GRM7: variants seen among roughly 807,000 people sequenced by gnomAD.
The protein encoded by GRM7 is glutamate metabotropic receptor 7.
Under a neutral mutation model 84.5 loss-of-function variants are expected in GRM7, and 35 were observed. That is an observed-to-expected ratio of 0.41 (90% CI 0.32 to 0.55). The LOEUF is 0.55. Ranked by LOEUF, GRM7 falls within the 20% of genes least tolerant of loss-of-function variation. The pLI is 0.19. For missense variants in GRM7, 1,003 were observed against 1,194.6 expected (o/e 0.84, Z 2.36); for synonymous variants, 487 against 455.1 (o/e 1.07, Z -0.89).
At chr3:7,452,919 A>G (rs1251372927) in intron 6 of GRM7, 112 bp downstream of exon 6, 2 of 672,704 alleles carry the variant, frequency 3.0e-6, no homozygotes, top group Middle Eastern at 4.1e-4. Context: ...AACTTGCTTG[A>G]TTATAAAACT....
intron 2 of GRM7, among the ~76,000 whole-genome samples, chr3:7,250,671 C>T (rs1428060044): frequency 6.6e-6 from 1 of 151,886 alleles, no homozygotes; most frequent in Admixed American, 6.6e-5. Flanking sequence ...CTACAGGTGC[C>T]CACCACCACA....
At chr3:7,713,114 A>ATTTTTTTTTTTTTTTTTTTTTTTTTTTT (rs1165234212) in intron 9 of GRM7, among the ~76,000 whole-genome samples, 2 of 129,854 alleles carry the variant, frequency 1.5e-5, no homozygotes, top group African/African-American at 3.1e-5. Flanking sequence ...GAGGATTCGA[A>ATTTTTTTTTTTTTTTTTTTTTTTTTTTT]TTTTGTTTTG....
intron 5 of GRM7, among the ~76,000 whole-genome samples, chr3:7,415,478 A>G (rs921173861): frequency 2.0e-5 from 3 of 152,104 alleles, no homozygotes; most frequent in South Asian, 4.1e-4. Context: ...ACATAGACAA[A>G]ATTCTCTGAC....
chr3:7,126,014 G>A (rs11131063), intron 1 of GRM7, among the ~76,000 whole-genome samples: 35,825 of 152,034 alleles, frequency 0.24, 4,378 homozygotes, highest in Non-Finnish European at 0.26. Context: ...GTTCTCTGCC[G>A]TGTCAGGAAA....
At chr3:7,220,826 C>T (rs767152147) in intron 2 of GRM7, among the ~76,000 whole-genome samples, 15 of 152,260 alleles carry the variant, frequency 9.9e-5, no homozygotes, top group Admixed American at 3.3e-4. Flanking sequence ...CAGCTTGGTA[C>T]GGTGGCTCAC....
intron 2 of GRM7, among the ~76,000 whole-genome samples, chr3:7,227,908 A>G (rs1697035218): frequency 6.6e-6 from 1 of 152,182 alleles, no homozygotes; most frequent in Non-Finnish European, 1.5e-5. Flanking sequence ...GGATAGTTGG[A>G]TCCCTGGGCC....
chr3:7,683,717 C>T (rs1419938297), intron 9 of GRM7, among the ~76,000 whole-genome samples: 2 of 152,124 alleles, frequency 1.3e-5, no homozygotes, highest in African/African-American at 2.4e-5. Flanking sequence ...TATAGCTACT[C>T]AACTGAAGAA....
intron 1 of GRM7, among the ~76,000 whole-genome samples, chr3:6,991,390 G>A (rs1444360516): frequency 1.3e-5 from 2 of 152,084 alleles, no homozygotes; most frequent in East Asian, 1.9e-4. Flanking sequence ...AAGGAGAAAC[G>A]CTTGACTGCA....
chr3:6,939,438 A>T (rs981246014), intron 1 of GRM7, among the ~76,000 whole-genome samples: 40 of 152,092 alleles, frequency 2.6e-4, no homozygotes, highest in African/African-American at 9.4e-4. Context: ...TCTGGATTAA[A>T]AAAAAAAAAC....
At chr3:7,257,171 G>A (rs1698239933) in intron 2 of GRM7, among the ~76,000 whole-genome samples, 1 of 152,136 alleles carries the variant, frequency 6.6e-6, no homozygotes, top group East Asian at 1.9e-4. Context: ...GTAAAGGTAA[G>A]TTAGGTGAGG....
chr3:7,675,825 GA>G (rs1482943511), intron 8 of GRM7, among the ~76,000 whole-genome samples: 1 of 152,126 alleles, frequency 6.6e-6, no homozygotes, highest in Non-Finnish European at 1.5e-5. Flanking sequence ...AATATTAACA[GA>G]TAACATTTCC....
intron 2 of GRM7, among the ~76,000 whole-genome samples, chr3:7,252,689 C>CTTTTTTTCTTTTCTTT (rs372263486): frequency 1.8e-5 from 2 of 113,648 alleles, no homozygotes; most frequent in African/African-American, 6.3e-5. Context: ...TTCTTTTTTT[C>CTTTTTTTCTTTTCTTT]TTTTCTTTTC....
chr3:7,148,380 A>G lies in GRM7; in HGVS notation c.736+1712A>G, dbSNP rs576045229. On this transcript the variant is annotated intron_variant, in intron 2 of 9. Transcript: ENST00000357716. Reference sequence around the variant, plus strand: ...AGACAAAGGGCAGATGCCAGTTTGCACTATATCATTGTTAAAAGTGAGCCT... The same window carrying G: ...AGACAAAGGGCAGATGCCAGTTTGCGCTATATCATTGTTAAAAGTGAGCCT... Among the ~76,000 whole-genome samples the G allele has an allele frequency of 3.8e-3, 586 of 152,312 alleles. 3 individuals carry two copies. The highest frequency in any genetic ancestry group is 0.02 in the Middle Eastern group (6 of 294).
intron 1 of GRM7, among the ~76,000 whole-genome samples, chr3:6,877,030 T>C (rs1250416597): frequency 6.6e-6 from 1 of 152,198 alleles, no homozygotes; most frequent in Non-Finnish European, 1.5e-5. Flanking sequence ...GAGGAGTGTG[T>C]GGAGGAATTT....
At position 7,633,629 on chromosome 3, in the gene GRM7, C is replaced by T. The variant is rs1003400313; in HGVS notation, c.2452-46420C>T. ...TGAAGCCCTTCTATCCTCCACTACT[C>T]CTGCAGCTTCTAATTCCAAGCCAAA... On this transcript the variant is annotated intron_variant, in intron 8 of 9. Coordinates refer to ENST00000357716, the MANE Select transcript of GRM7 (RefSeq NM_000844.4). Among the ~76,000 whole-genome samples, 11 of 152,214 alleles carry T rather than the reference C, an allele frequency of 7.2e-5. 1 individual carries two copies. The highest frequency in any genetic ancestry group is 2.2e-4 in the African/African-American group (9 of 41,542).
At chr3:7,098,207 A>G (rs1201176762) in intron 1 of GRM7, among the ~76,000 whole-genome samples, 1 of 152,078 alleles carries the variant, frequency 6.6e-6, no homozygotes, top group Admixed American at 6.6e-5. Context: ...CGGCCAGGAA[A>G]TATAATGTAT....
intron 1 of GRM7, among the ~76,000 whole-genome samples, chr3:6,949,196 G>A (rs1336525373): frequency 6.6e-6 from 1 of 152,158 alleles, no homozygotes; most frequent in African/African-American, 2.4e-5. Flanking sequence ...GCTGGTACCG[G>A]TTGTTCCTTT....
chr3:7,224,324 G>A (rs145927173), intron 2 of GRM7, among the ~76,000 whole-genome samples: 315 of 152,216 alleles, frequency 2.1e-3, no homozygotes, highest in African/African-American at 7.1e-3. Context: ...GAACTCATGA[G>A]AATTTGCTCA....
intron 4 of GRM7, among the ~76,000 whole-genome samples, chr3:7,401,889 G>C (rs1480382257): frequency 6.6e-6 from 1 of 152,056 alleles, no homozygotes; most frequent in Admixed American, 6.6e-5. Context: ...GACAAACACT[G>C]GGATTTGCCT....
Sources: allele counts gnomAD v4.1 joint callset (sites outside exome capture counted in the v4.1 genomes callset), GRCh38; gene constraint gnomAD v4.1.1; transcripts MANE v1.5; gene names NCBI Gene and HGNC (gene_info 2026-07-23, HGNC 2026-07-21).